The following GAREM1 variants were observed in gnomAD, a reference collection of about 807,000 sequenced individuals.
GAREM1 encodes the protein GRB2 associated regulator of MAPK1 subtype 1.
A neutral mutation model predicts 71.3 loss-of-function variants in GAREM1; 26 were observed. The observed-to-expected ratio is 0.36, with a 90% CI of 0.27 to 0.51. The LOEUF (loss-of-function observed/expected upper bound fraction) is 0.51, where lower values mean the gene tolerates loss of function less well. GAREM1 is among the 20% of genes least tolerant of loss of function. GAREM1 has a pLI of 0.95. For missense variants in GAREM1, 1,026 were observed against 1,103.1 expected, an observed-to-expected ratio of 0.93 and a Z score of 0.99; for synonymous variants, 440 against 433.2, an observed-to-expected ratio of 1.02 and a Z score of -0.20.
intron 3 of GAREM1, 144 bp downstream of exon 3, chr18:32,310,049 T>C (rs977530872): frequency 1.7e-5 from 12 of 719,898 alleles, no homozygotes; most frequent in Non-Finnish European, 2.7e-5. Flanking sequence ...AGCTACAATA[T>C]ATGTGGTTTT....
At chr18:32,415,739 A>G (rs1434884728) in intron 1 of GAREM1, among the ~76,000 whole-genome samples, 2 of 152,164 alleles carry the variant, frequency 1.3e-5, no homozygotes, top group Non-Finnish European at 2.9e-5. Context: ...TCATAAAGCC[A>G]TATATGACAG....
At chr18:32,415,035 A>G (rs984495371) in intron 1 of GAREM1, among the ~76,000 whole-genome samples, 2 of 152,150 alleles carry the variant, frequency 1.3e-5, no homozygotes, top group Non-Finnish European at 2.9e-5. Context: ...TACAACTGAT[A>G]CCACAGAAAT....
At chr18:32,317,141 ACGCCTG>A (rs2047386217) in intron 2 of GAREM1, among the ~76,000 whole-genome samples, 1 of 152,200 alleles carries the variant, frequency 6.6e-6, no homozygotes, top group Non-Finnish European at 1.5e-5. Flanking sequence ...GCGGTGGCTC[ACGCCTG>A]TAATCCCAGC....
At position 32,286,469 on chromosome 18, in the gene GAREM1, C is replaced by T. The variant is rs565370010; in HGVS notation, c.1566+562G>A. The stretch of plus-strand genomic sequence containing the variant: ...CTTGATTTTCCTCTGCTTCCCCTCC[C>T]ACCACCAAATAAATTTACTCCTCCT... On this transcript the variant is annotated intron_variant, in intron 4 of 5. Coordinates refer to ENST00000269209, the MANE Select transcript of GAREM1 (RefSeq NM_001242409.2). Among the ~76,000 whole-genome samples the T allele has an allele frequency of 3.3e-5, 5 of 152,182 alleles. No homozygotes were observed. The South Asian group carries it at 1.0e-3, about 32-fold the overall frequency.
intron 3 of GAREM1, among the ~76,000 whole-genome samples, chr18:32,308,335 A>C (rs2047278124): frequency 6.7e-6 from 1 of 150,140 alleles, no homozygotes; most frequent in South Asian, 2.1e-4. Context: ...CTACAAATTC[A>C]CCAAGAAAAG....
chr18:32,332,002 T>C (rs1251081259), intron 2 of GAREM1, among the ~76,000 whole-genome samples: 1 of 150,648 alleles, frequency 6.6e-6, no homozygotes, highest in Non-Finnish European at 1.5e-5. Context: ...CAGAACTGAC[T>C]GTGTCCTTTC....
intron 1 of GAREM1, among the ~76,000 whole-genome samples, chr18:32,426,878 A>G (rs889326216): frequency 1.3e-5 from 2 of 152,232 alleles, no homozygotes; most frequent in African/African-American, 4.8e-5. Context: ...TTTTAAAAAG[A>G]TGATTTCCTT....
chr18:32,458,237 G>A (rs1200352956), intron 1 of GAREM1, among the ~76,000 whole-genome samples: 1 of 151,964 alleles, frequency 6.6e-6, no homozygotes, highest in East Asian at 1.9e-4. Context: ...CATCAGCTTC[G>A]TTTCATGCAA....
intron 2 of GAREM1, among the ~76,000 whole-genome samples, chr18:32,337,385 T>C (rs11081759): frequency 0.3 from 45,241 of 152,144 alleles, 8,393 homozygotes; most frequent in South Asian, 0.42. Context: ...AGTTACAATA[T>C]GTACGTAAGT....
chr18:32,401,227 A>G (rs1263302454), intron 1 of GAREM1, among the ~76,000 whole-genome samples: 1 of 152,178 alleles, frequency 6.6e-6, no homozygotes, highest in African/African-American at 2.4e-5. Flanking sequence ...CCTAATGTAA[A>G]TGACGAGTTA....
Position 32,271,911 on chromosome 18 carries a change from C to G in GAREM1, c.1567-1528G>C, listed in dbSNP as rs146679247. Among the ~76,000 whole-genome samples the G allele has an allele frequency of 8.1e-4, 124 of 152,294 alleles. 1 individual carries two copies. Among genetic ancestry groups the G allele is most frequent in the Non-Finnish European group, 1.4e-3 (98 of 68,020 alleles). ...AGCAGGGGGCAGTTTATACCTGGCT[C>G]TGCTAGTCTACCCTAAGCTATAGAG... is the stretch of plus-strand genomic sequence containing the variant. On this transcript the variant is annotated intron_variant, in intron 4 of 5. Transcript: ENST00000269209.
chr18:32,438,085 C>T (rs1309355889), intron 1 of GAREM1, among the ~76,000 whole-genome samples: 1 of 152,206 alleles, frequency 6.6e-6, no homozygotes, highest in Non-Finnish European at 1.5e-5. Context: ...AGGAACTAAA[C>T]ATGTACCTTC....
intron 1 of GAREM1, among the ~76,000 whole-genome samples, chr18:32,454,222 A>C (rs899411221): frequency 2.0e-5 from 3 of 152,066 alleles, no homozygotes; most frequent in Non-Finnish European, 2.9e-5. Flanking sequence ...TGCTTTACAC[A>C]TTGAATTACT....
rs576960112 is a variant in GAREM1, at chr18:32,380,089, TCAGTTTCACA to T, written c.262+12796_262+12805del. Among the ~76,000 whole-genome samples the T allele has an allele frequency of 7.6e-4, 116 of 152,312 alleles. No homozygotes were observed. In the East Asian group the frequency reaches 0.018, roughly 24 times the overall value. On this transcript the variant is annotated intron_variant, in intron 2 of 5. Coordinates refer to ENST00000269209, the MANE Select transcript of GAREM1 (RefSeq NM_001242409.2). ...TCCGCCATGACACGCATGGTTGCTA[TCAGTTTCACA>T]CAGTGTGTACAGAAAGTAATGTCGA...
At chr18:32,431,955 A>G (rs2048629066) in intron 1 of GAREM1, among the ~76,000 whole-genome samples, 1 of 152,222 alleles carries the variant, frequency 6.6e-6, no homozygotes, top group Admixed American at 6.5e-5. Flanking sequence ...TTCTATACCC[A>G]GTGAAAATAT....
intron 4 of GAREM1, among the ~76,000 whole-genome samples, chr18:32,281,067 G>C (rs1420508682): frequency 1.3e-5 from 2 of 152,204 alleles, no homozygotes; most frequent in South Asian, 4.1e-4. Context: ...CCAGGGAGAA[G>C]TGCCAAGTTC....
intron 4 of GAREM1, among the ~76,000 whole-genome samples, chr18:32,272,683 G>C (rs1342619286): frequency 6.6e-6 from 1 of 152,054 alleles, no homozygotes; most frequent in Non-Finnish European, 1.5e-5. Flanking sequence ...GCGTGCAATG[G>C]CATGATCTTG....
chr18:32,328,199 T>C (rs772027095), intron 2 of GAREM1, among the ~76,000 whole-genome samples: 7 of 152,378 alleles, frequency 4.6e-5, no homozygotes, highest in Admixed American at 3.3e-4. Context: ...TTTCCTTGTC[T>C]TTCATTTACA....
At chr18:32,317,128 G>A (rs1459573943) in intron 2 of GAREM1, among the ~76,000 whole-genome samples, 1 of 152,172 alleles carries the variant, frequency 6.6e-6, no homozygotes, top group Non-Finnish European at 1.5e-5. Flanking sequence ...GAATGGGCCA[G>A]GCGCGGTGGC....
Sources: allele counts gnomAD v4.1 joint callset (sites outside exome capture counted in the v4.1 genomes callset), GRCh38; gene constraint gnomAD v4.1.1; transcripts MANE v1.5; gene names NCBI Gene and HGNC (gene_info 2026-07-23, HGNC 2026-07-21).